The following LIFR variants were observed in gnomAD, a reference collection of about 807,000 sequenced individuals.
LIFR encodes the protein leukemia inhibitory factor receptor.
Under a neutral mutation model 122.2 loss-of-function variants are expected in LIFR, and 84 were observed. That is an observed-to-expected ratio of 0.69 (90% CI 0.58 to 0.82). The LOEUF (loss-of-function observed/expected upper bound fraction) is 0.82, where lower values mean the gene tolerates loss of function less well. LIFR is among the 40% of genes least tolerant of loss of function. The pLI is 0.00. For missense variants in LIFR, 1,294 were observed against 1,311.6 expected (o/e 0.99, Z 0.21); for synonymous variants, 422 against 434.7 (o/e 0.97, Z 0.36).
intron 13 of LIFR, among the ~76,000 whole-genome samples, chr5:38,494,228 T>C (rs1364963489): frequency 6.6e-6 from 1 of 151,578 alleles, no homozygotes. Flanking sequence ...ATGTGCAGAG[T>C]AGGCACACAA....
In LIFR at chr5:38,509,485, G is replaced by C. The variant is rs1164612385; in HGVS notation, c.991+979C>G. Among the ~76,000 whole-genome samples, 6 of 152,142 alleles carry C rather than the reference G, an allele frequency of 3.9e-5. No individual in the cohort carries two copies. The East Asian group carries it at 1.2e-3, about 29-fold the overall frequency. On this transcript the variant is annotated intron_variant, in intron 7 of 19. Coordinates refer to ENST00000453190, the MANE Select transcript of LIFR (RefSeq NM_001127671.2). ...CGGCTATTCCTTTGGGAATACATCA[G>C]TATCTGAATGAAATTCATCACGAAG...
At position 38,482,224 on chromosome 5, in the gene LIFR, A is replaced by C. The variant is rs779472704; in HGVS notation, c.2671-6T>G. 10 of 1,602,880 alleles carry C rather than the reference A, an allele frequency of 6.2e-6. No individual in the cohort carries two copies. The highest frequency in any genetic ancestry group is 7.6e-6 in the Non-Finnish European group (9 of 1,177,206). Reference sequence around the variant, plus strand: ...GTTTTAAGAGCACTGCTTCCCTAGAAATAAATTTAAACACAGTGATTAAAA... The same window carrying C: ...GTTTTAAGAGCACTGCTTCCCTAGACATAAATTTAAACACAGTGATTAAAA... On this transcript the variant is annotated splice_polypyrimidine_tract_variant and splice_region_variant and intron_variant, in intron 19 of 19. Coordinates refer to ENST00000453190, the MANE Select transcript of LIFR (RefSeq NM_001127671.2).
chr5:38,488,908 A>G (rs1039726150), intron 16 of LIFR, among the ~76,000 whole-genome samples, 170 bp downstream of exon 16: 5 of 152,236 alleles, frequency 3.3e-5, no homozygotes, highest in African/African-American at 1.2e-4. Context: ...ATTGCACACT[A>G]AAATCTTAAA....
chr5:38,563,685 C>T (rs916658608), intron 1 of LIFR, among the ~76,000 whole-genome samples: 1 of 152,170 alleles, frequency 6.6e-6, no homozygotes, highest in Non-Finnish European at 1.5e-5. Context: ...CAACTCAGCC[C>T]ATCCTCCCTA....
At chr5:38,484,477 T>C (rs191105462) in intron 18 of LIFR, among the ~76,000 whole-genome samples, 233 of 152,350 alleles carry the variant, frequency 1.5e-3, no homozygotes, top group African/African-American at 5.2e-3. Flanking sequence ...TTATGCTTAA[T>C]CTTGTAGATA....
intron 1 of LIFR, among the ~76,000 whole-genome samples, chr5:38,586,199 A>G (rs1749742430): frequency 1.3e-5 from 2 of 152,158 alleles, no homozygotes; most frequent in African/African-American, 4.8e-5. Context: ...CCCCCATTTT[A>G]AAACATCGGC....
Position 38,485,883 on chromosome 5 carries a change from C to A in LIFR, c.2433G>T (p.Leu811Phe). 6.2e-7 allele frequency: 1 copy of A among 1,614,212 alleles called. No homozygotes were observed. Among genetic ancestry groups the A allele is most frequent in the African/African-American group, 1.3e-5 (1 of 75,058 alleles). Residue 811 changes from leucine (L) to phenylalanine (F), a missense_variant, in exon 17 of 20, where the codon TTG (leucine) becomes TTT (phenylalanine). By Grantham distance (22) the Leu-to-Phe change is conservative. Coordinates refer to ENST00000453190, the MANE Select transcript of LIFR (RefSeq NM_001127671.2). The stretch of plus-strand genomic sequence containing the variant: ...CCACTCCACCATCTGTATAGGCTCG[C>A]AAGACCAGGTGGTAACTTGTTTTAC... ...LQGKTSYHLV[L>F]RAYTDGGVGP...
At chr5:38,580,499 C>T (rs1195643411) in intron 1 of LIFR, among the ~76,000 whole-genome samples, 1 of 152,162 alleles carries the variant, frequency 6.6e-6, no homozygotes, top group Non-Finnish European at 1.5e-5. Context: ...TCCCTTGACA[C>T]TCTTTTCAAG....
In LIFR at chr5:38,605,950, G is replaced by A. The variant is rs147367850; in HGVS notation, n.305+255C>T. Reference sequence around the variant, plus strand: ...AACCCAGATGTGCCCCGACCACCTCGTCGTCAGGACCTCCTGAGGAAGTGT... The same window carrying A: ...AACCCAGATGTGCCCCGACCACCTCATCGTCAGGACCTCCTGAGGAAGTGT... On this transcript the variant is annotated intron_variant and non_coding_transcript_variant, in intron 2 of 3. Coordinates refer to the LIFR transcript ENST00000507786. Among the ~76,000 whole-genome samples, 125 of 152,262 alleles carry A rather than the reference G, an allele frequency of 8.2e-4. 2 individuals are homozygous for A. The highest frequency in any genetic ancestry group is 2.8e-3 in the African/African-American group (115 of 41,572).
chr5:38,497,072 C>T (rs1001891877), intron 12 of LIFR, among the ~76,000 whole-genome samples: 5 of 151,966 alleles, frequency 3.3e-5, no homozygotes, highest in South Asian at 2.1e-4. Context: ...CCGAGGCAGG[C>T]GGATCATGAG....
chr5:38,485,868 A>G lies in LIFR; in HGVS notation c.2448T>C (p.Asp816=), dbSNP rs766333083. ...TACTCTTCTCCGGGCCCACTCCACC[A>G]TCTGTATAGGCTCGCAAGACCAGGT... is the stretch of plus-strand genomic sequence containing the variant. ...SYHLVLRAYT[D]GGVGPEKSMY... is the part of the protein sequence containing the mutation. Residue 816 remains aspartate, a synonymous_variant, in exon 17 of 20, where the codon GAT becomes GAC. Transcript: ENST00000453190. 7 of 1,614,038 alleles carry G rather than the reference A, an allele frequency of 4.3e-6. No individual in the cohort carries two copies. The highest frequency in any genetic ancestry group is 1.7e-5 in the Admixed American group (1 of 60,002).
In LIFR at chr5:38,506,204, G is replaced by C. The variant is rs556026904; in HGVS notation, c.1122-130C>G. ...TAATTAGAAGCATATTACATACTCA[G>C]AGAAGAAAATGTATGTGATACAGAA... On this transcript the variant is annotated intron_variant, in intron 8 of 19. Transcript: ENST00000453190. 4.2e-5 allele frequency: 28 copies of C among 660,686 alleles called. No individual in the cohort carries two copies. The African/African-American group carries it at 5.1e-4, about 12-fold the overall frequency. The allele number at this position is 660,686 out of a possible 1,614,324, so 40.9% of individuals were successfully genotyped here.
At chr5:38,506,258 T>C (rs1044467502) in intron 8 of LIFR, among the ~76,000 whole-genome samples, 184 bp from the exon 9 acceptor site, 1 of 152,222 alleles carries the variant, frequency 6.6e-6, no homozygotes, top group Non-Finnish European at 1.5e-5. Context: ...GCCATAAGTT[T>C]ACTACCGAGA....
chr5:38,571,544 A>C (rs901904342), intron 1 of LIFR, among the ~76,000 whole-genome samples: 4 of 151,382 alleles, frequency 2.6e-5, no homozygotes, highest in Admixed American at 1.3e-4. Flanking sequence ...AAAAAAAAAA[A>C]AAAAAAAGCA....
intron 1 of LIFR, among the ~76,000 whole-genome samples, chr5:38,583,828 T>C (rs1580229752): frequency 6.6e-6 from 1 of 152,216 alleles, no homozygotes. Context: ...AATTGAATCA[T>C]GGGGTTGGTT....
chr5:38,602,702 C>T (rs552099759), intron 2 of LIFR, among the ~76,000 whole-genome samples: 1 of 152,226 alleles, frequency 6.6e-6, no homozygotes, highest in South Asian at 2.1e-4. Flanking sequence ...CCTTGGATTG[C>T]TAGTCTTATT....
chr5:38,479,623 G>A lies in LIFR; in HGVS notation c.*1972C>T, dbSNP rs1227741988. ...TAGCCACACTTATCCTTGTCCTGGA[G>A]AGATAAAGTACGGGATTGATACATT... On this transcript the variant is annotated 3_prime_UTR_variant, in exon 20 of 20. Transcript: ENST00000453190. 1.3e-5 allele frequency: 3 copies of A among 230,420 alleles called. No individual in the cohort carries two copies. The highest frequency in any genetic ancestry group is 1.8e-4 in the South Asian group (1 of 5,490). 14.3% of individuals were successfully genotyped at this position (230,420 alleles called of 1,614,324 possible). A position where few individuals can be genotyped will look rare whatever the true frequency, so the allele number is the denominator to read the frequency against.
At chr5:38,575,772 C>T (rs1178723391) in intron 1 of LIFR, among the ~76,000 whole-genome samples, 1 of 152,146 alleles carries the variant, frequency 6.6e-6, no homozygotes, top group Admixed American at 6.5e-5. Context: ...CCCAGAGGCC[C>T]CCCACCTATA....
At chr5:38,539,874 T>TAG (rs1747492852) in intron 1 of LIFR, among the ~76,000 whole-genome samples, 1 of 152,200 alleles carries the variant, frequency 6.6e-6, no homozygotes, top group Non-Finnish European at 1.5e-5. Flanking sequence ...AGCAGCCACT[T>TAG]TTCTAAGTTC....
Sources: gnomAD v4.1 joint callset for allele counts (sites outside exome capture counted in the v4.1 genomes callset) on GRCh38, gnomAD v4.1.1 for gene constraint, MANE v1.5 for transcripts, NCBI Gene and HGNC (gene_info 2026-07-23, HGNC 2026-07-21) for gene names.